SHISAL1: variants seen among roughly 807,000 people sequenced by gnomAD.
SHISAL1 encodes the protein protein shisa-like-1.
In SHISAL1, 9 loss-of-function variants were observed where a neutral mutation model predicts 22.6. The ratio of observed to expected loss-of-function variants is 0.40; its 90% confidence interval spans 0.24 to 0.70. The LOEUF is 0.70. Among genes scored for constraint, SHISAL1 ranks in the 30% least tolerant of loss-of-function variants. The pLI, the probability that SHISAL1 is intolerant of heterozygous loss-of-function variation, is 0.39. For missense variants in SHISAL1, 246 were observed against 270.6 expected (o/e 0.91, Z 0.64); for synonymous variants, 119 against 115.4 (o/e 1.03, Z -0.20).
chr22:44,284,651 C>T (rs1288319842), intron 4 of SHISAL1, among the ~76,000 whole-genome samples: 1 of 152,204 alleles, frequency 6.6e-6, no homozygotes, highest in Non-Finnish European at 1.5e-5. Context: ...CTCAGTCTGG[C>T]TCCTGTCCTT....
intron 4 of SHISAL1, among the ~76,000 whole-genome samples, chr22:44,275,113 C>T (rs1346495925): frequency 2.0e-5 from 3 of 152,192 alleles, no homozygotes; most frequent in South Asian, 4.1e-4. Flanking sequence ...TAAAACTAAG[C>T]GTGGGTGTTG....
the SHISAL1 span, among the ~76,000 whole-genome samples, chr22:44,318,036 C>G: frequency 5.9e-5 from 9 of 152,258 alleles, no homozygotes; most frequent in Non-Finnish European, 1.3e-4. Context: ...GAGAGAAGCC[C>G]CTCCAGGGGA....
intron 3 of SHISAL1, among the ~76,000 whole-genome samples, chr22:44,292,718 C>T (rs575412189): frequency 2.6e-5 from 4 of 152,366 alleles, no homozygotes; most frequent in Non-Finnish European, 4.4e-5. Flanking sequence ...CGTCGTCTGC[C>T]GCTGGGCCAG....
intron 4 of SHISAL1, among the ~76,000 whole-genome samples, chr22:44,283,578 C>T (rs74682984): frequency 0.016 from 2,397 of 152,278 alleles, 56 homozygotes; most frequent in African/African-American, 0.055. Flanking sequence ...ACCTTGAGGC[C>T]GGGGCAGGAA....
At chr22:44,282,271 G>T (rs985391645) in intron 4 of SHISAL1, among the ~76,000 whole-genome samples, 1 of 152,230 alleles carries the variant, frequency 6.6e-6, no homozygotes, top group African/African-American at 2.4e-5. Flanking sequence ...GGGCCCTCCC[G>T]CTGCAGCAGC....
At chr22:44,252,077 T>A (rs945458840) in intron 4 of SHISAL1, among the ~76,000 whole-genome samples, 2 of 152,100 alleles carry the variant, frequency 1.3e-5, no homozygotes, top group African/African-American at 4.8e-5. Flanking sequence ...TTGCAGCCAA[T>A]CTAAAGATTA....
intron 1 of SHISAL1, among the ~76,000 whole-genome samples, chr22:44,306,411 C>T (rs147613615): frequency 5.1e-4 from 67 of 132,212 alleles, no homozygotes; most frequent in African/African-American, 1.7e-3. Flanking sequence ...ATGACGATGG[C>T]GTGTGCAGAG....
chr22:44,308,412 G>A (rs931641944), intron 1 of SHISAL1, among the ~76,000 whole-genome samples: 4 of 152,196 alleles, frequency 2.6e-5, no homozygotes, highest in South Asian at 2.1e-4. Flanking sequence ...TGGCCATCTT[G>A]CCCTCCCTGT....
intron 4 of SHISAL1, among the ~76,000 whole-genome samples, chr22:44,268,938 G>C (rs1416675625): frequency 1.3e-5 from 2 of 151,998 alleles, no homozygotes; most frequent in African/African-American, 4.8e-5. Context: ...ATCGGCTCTT[G>C]GTTCCATGGG....
chr22:44,316,413 G>T (rs941163376), upstream of SHISAL1, among the ~76,000 whole-genome samples: 1 of 117,856 alleles, frequency 8.5e-6, no homozygotes, highest in South Asian at 3.3e-4. Context: ...AGGGTGGGGG[G>T]TGGGGGGGCA....
chr22:44,261,201 G>A (rs1453841682), intron 4 of SHISAL1, among the ~76,000 whole-genome samples: 7 of 132,298 alleles, frequency 5.3e-5, no homozygotes, highest in Admixed American at 7.7e-5. Flanking sequence ...AAGTTTTGAC[G>A]CCTTAGCTGG....
At chr22:44,258,081 G>T (rs773615009) in intron 4 of SHISAL1, among the ~76,000 whole-genome samples, 57 of 152,144 alleles carry the variant, frequency 3.7e-4, no homozygotes, top group African/African-American at 1.3e-3. Context: ...CGGAGGTTGC[G>T]GTGAGCTGAG....
chr22:44,250,178 G>T (rs1248819202), intron 4 of SHISAL1, among the ~76,000 whole-genome samples: 2 of 152,276 alleles, frequency 1.3e-5, no homozygotes, highest in East Asian at 3.9e-4. Context: ...TTTTAATGTT[G>T]TTCCCCTTTT....
chr22:44,289,420 T>C (rs1295159250), intron 3 of SHISAL1, among the ~76,000 whole-genome samples: 1 of 152,124 alleles, frequency 6.6e-6, no homozygotes, highest in East Asian at 1.9e-4. Flanking sequence ...GGCGAGTCCC[T>C]GTCCTCCCTC....
chr22:44,319,893 C>T, the SHISAL1 span, among the ~76,000 whole-genome samples: 3 of 152,130 alleles, frequency 2.0e-5, no homozygotes, highest in Non-Finnish European at 2.9e-5. Context: ...TGTCTCAGAC[C>T]TAGCTCCTGG....
At chr22:44,301,477 G>A (rs534278596) in intron 1 of SHISAL1, among the ~76,000 whole-genome samples, 16 of 152,326 alleles carry the variant, frequency 1.1e-4, no homozygotes, top group African/African-American at 3.4e-4. Context: ...GTTCCTCCCT[G>A]GAGCCCCTGT....
chr22:44,260,104 G>T (rs540937769), intron 4 of SHISAL1, among the ~76,000 whole-genome samples: 6 of 152,244 alleles, frequency 3.9e-5, no homozygotes, highest in African/African-American at 1.4e-4. Context: ...AGCAAGTCAG[G>T]TGGACCCTGC....
chr22:44,319,132 T>C, the SHISAL1 span, among the ~76,000 whole-genome samples: 1 of 152,246 alleles, frequency 6.6e-6, no homozygotes, highest in African/African-American at 2.4e-5. Context: ...AGTGGAACTG[T>C]ATAAGCCCTG....
the SHISAL1 span, among the ~76,000 whole-genome samples, chr22:44,324,772 C>T: frequency 1.3e-5 from 2 of 152,280 alleles, no homozygotes; most frequent in East Asian, 1.9e-4. Flanking sequence ...GAGATCAGCA[C>T]CCGGAGCCTC....
Sources: allele counts gnomAD v4.1 joint callset (sites outside exome capture counted in the v4.1 genomes callset), GRCh38; gene constraint gnomAD v4.1.1; transcripts MANE v1.5; gene names NCBI Gene and HGNC (gene_info 2026-07-23, HGNC 2026-07-21).